Variants in AKAP7 observed in about 807,000 individuals in gnomAD.
AKAP7 encodes A kinase (PRKA) anchor protein 7.
AKAP7 carries 39 observed loss-of-function variants against 39.5 expected under a neutral mutation model. The ratio of observed to expected loss-of-function variants is 0.99; its 90% CI spans 0.76 to 1.29. AKAP7 has a LOEUF of 1.29. Ranked by LOEUF, AKAP7 falls within the 50% of genes most tolerant of loss-of-function variation. The pLI, the probability that AKAP7 is intolerant of heterozygous loss-of-function variation, is 0.00. For missense variants in AKAP7, 414 were observed against 407.7 expected (o/e 1.02, Z -0.13); for synonymous variants, 140 against 139.1 (o/e 1.01, Z -0.05).
In AKAP7 at chr6:131,223,533, T is replaced by A. The variant is rs560368171; in HGVS notation, c.850+3725T>A. Among the ~76,000 whole-genome samples the A allele has an allele frequency of 1.3e-4, 20 of 152,308 alleles. No homozygotes were observed. In the South Asian group the frequency reaches 4.1e-3, roughly 32 times the overall value. ...CATCTCAAGTCTATTTTAAGGAGAA[T>A]TTTCATCTTTTCAGAATCTCTGTAA... is the stretch of plus-strand genomic sequence containing the variant. On this transcript the variant is annotated intron_variant, in intron 7 of 7. Transcript: ENST00000431975.
chr6:131,166,953 T>TA (rs11389188), intron 4 of AKAP7, among the ~76,000 whole-genome samples: 40,084 of 151,900 alleles, frequency 0.26, 6,030 homozygotes, highest in East Asian at 0.59. Context: ...TGCAGATACT[T>TA]AAAAAAATCA....
At chr6:131,278,923 G>A (rs1024529031) in intron 7 of AKAP7, among the ~76,000 whole-genome samples, 21 of 152,146 alleles carry the variant, frequency 1.4e-4, no homozygotes, top group African/African-American at 4.8e-4. Flanking sequence ...TCTAGAAATT[G>A]GGAATGGTGT....
chr6:131,193,745 CA>C (rs1490087764), intron 5 of AKAP7, among the ~76,000 whole-genome samples: 1 of 151,962 alleles, frequency 6.6e-6, no homozygotes, highest in Non-Finnish European at 1.5e-5. Context: ...TTGGTCTGTT[CA>C]GGTTTTGGAT....
chr6:131,158,269 G>A (rs1253748659), intron 2 of AKAP7, among the ~76,000 whole-genome samples: 1 of 152,108 alleles, frequency 6.6e-6, no homozygotes, highest in Non-Finnish European at 1.5e-5. Context: ...GTTAAAGCAG[G>A]GTTGCATATG....
chr6:131,268,937 A>G (rs1473329406), intron 7 of AKAP7, among the ~76,000 whole-genome samples: 2 of 152,188 alleles, frequency 1.3e-5, no homozygotes, highest in Admixed American at 1.3e-4. Flanking sequence ...ATTATTTGAA[A>G]ATTTATGCTT....
intron 7 of AKAP7, among the ~76,000 whole-genome samples, chr6:131,239,552 C>T (rs1202103114): frequency 1.1e-4 from 17 of 152,192 alleles, no homozygotes; most frequent in South Asian, 2.1e-4. Flanking sequence ...ACCAATCAGA[C>T]GTAGATTTGG....
At chr6:131,155,436 A>G (rs948800141) in intron 2 of AKAP7, among the ~76,000 whole-genome samples, 1 of 152,216 alleles carries the variant, frequency 6.6e-6, no homozygotes, top group African/African-American at 2.4e-5. Context: ...TAAAGTATCT[A>G]TTATTAAAGT....
At chr6:131,269,812 T>C (rs984421525) in intron 7 of AKAP7, among the ~76,000 whole-genome samples, 12 of 152,190 alleles carry the variant, frequency 7.9e-5, no homozygotes, top group African/African-American at 2.9e-4. Context: ...TCAGTGGAAA[T>C]TATTATTCCT....
At chr6:131,247,784 T>C (rs9483239) in intron 7 of AKAP7, among the ~76,000 whole-genome samples, 77,844 of 151,802 alleles carry the variant, frequency 0.51, 20,338 homozygotes, top group African/African-American at 0.59. Flanking sequence ...TGTGCCACTA[T>C]GCCCAGCTAA....
At chr6:131,139,328 A>G (rs1390625729) in intron 1 of AKAP7, among the ~76,000 whole-genome samples, 3 of 152,222 alleles carry the variant, frequency 2.0e-5, no homozygotes, top group African/African-American at 2.4e-5. Context: ...CTATTATTCT[A>G]TAGCTTAAGA....
chr6:131,137,717 T>C (rs1800686057), intron 1 of AKAP7: 1 of 152,210 alleles, frequency 6.6e-6, no homozygotes, highest in Non-Finnish European at 1.5e-5. Flanking sequence ...AGGCATTTGC[T>C]TCACCTGTAT....
chr6:131,170,153 G>T (rs140598458), intron 5 of AKAP7, among the ~76,000 whole-genome samples: 2 of 121,450 alleles, frequency 1.6e-5, no homozygotes, highest in South Asian at 3.3e-4. Flanking sequence ...GTTGTGGGGT[G>T]GGGGGAGGGG....
intron 7 of AKAP7, among the ~76,000 whole-genome samples, chr6:131,244,096 G>GA (rs1448769927): frequency 6.7e-6 from 1 of 150,338 alleles, no homozygotes; most frequent in Non-Finnish European, 1.5e-5. Context: ...AGTAATGCTT[G>GA]AAAAAAGGTC....
chr6:131,218,007 AT>A (rs1273493004), intron 6 of AKAP7, among the ~76,000 whole-genome samples: 2 of 152,156 alleles, frequency 1.3e-5, no homozygotes, highest in African/African-American at 4.8e-5. Flanking sequence ...GAATGAAGTT[AT>A]TACATAAAGT....
At chr6:131,240,850 C>T (rs1483288276) in intron 7 of AKAP7, among the ~76,000 whole-genome samples, 1 of 152,374 alleles carries the variant, frequency 6.6e-6, no homozygotes, top group African/African-American at 2.4e-5. Flanking sequence ...ACCCCTTGCA[C>T]TTCCCGGGTG....
intron 6 of AKAP7, among the ~76,000 whole-genome samples, chr6:131,216,714 A>G (rs1007403960): frequency 5.9e-5 from 9 of 152,194 alleles, no homozygotes; most frequent in African/African-American, 2.2e-4. Flanking sequence ...CTGATATTCC[A>G]TACTTAACCT....
Position 131,282,043 on chromosome 6 carries a change from C to G in AKAP7, c.*317C>G. On this transcript the variant is annotated 3_prime_UTR_variant, in exon 8 of 8. Coordinates refer to ENST00000431975, the MANE Select transcript of AKAP7 (RefSeq NM_016377.4). ...GCAAATTAAAGGCCGAGAAAGAGGC[C>G]TTGCCATCAATGGAATACTGCCATT... is the stretch of plus-strand genomic sequence containing the variant. 1 of 1,142,074 alleles carries G rather than the reference C, an allele frequency of 8.8e-7. No homozygotes were observed. The highest frequency in any genetic ancestry group is 1.1e-6 in the Non-Finnish European group (1 of 931,980). 70.7% of individuals were successfully genotyped at this position (1,142,074 alleles called of 1,614,324 possible). A position where few individuals can be genotyped will look rare whatever the true frequency, so the allele number is the denominator to read the frequency against.
intron 5 of AKAP7, 139 bp downstream of exon 5, chr6:131,169,412 A>G (rs1803817300): frequency 2.1e-6 from 2 of 949,160 alleles, no homozygotes; most frequent in Non-Finnish European, 3.2e-6. Flanking sequence ...TGTCCCAATC[A>G]TAAGTCTGAA....
intron 7 of AKAP7, among the ~76,000 whole-genome samples, chr6:131,251,451 G>A (rs887450556): frequency 6.6e-6 from 1 of 152,026 alleles, no homozygotes; most frequent in African/African-American, 2.4e-5. Context: ...TCATATCAGT[G>A]CTTGATTCTA....
Sources: allele counts gnomAD v4.1 joint callset (sites outside exome capture counted in the v4.1 genomes callset), GRCh38; gene constraint gnomAD v4.1.1; transcripts MANE v1.5; gene names NCBI Gene and HGNC (gene_info 2026-07-23, HGNC 2026-07-21).